NXPH1: variants seen among roughly 807,000 people sequenced by gnomAD.
NXPH1 encodes neurexophilin-1.
Under a neutral mutation model 23.7 loss-of-function variants are expected in NXPH1, and 5 were observed. The observed-to-expected ratio is 0.21, with a 90% CI of 0.11 to 0.44. The LOEUF (loss-of-function observed/expected upper bound fraction) is 0.44, where lower values mean the gene tolerates loss of function less well. NXPH1 is among the 20% of genes least tolerant of loss of function. The probability of loss-of-function intolerance (pLI) is 0.99; values close to 1 mark genes in which losing one functional copy is unlikely to be tolerated. For missense variants in NXPH1, 324 were observed against 321.6 expected (o/e 1.01, Z -0.06); for synonymous variants, 144 against 122.2 (o/e 1.18, Z -1.18).
chr7:8,587,435 C>G (rs1244617372), intron 2 of NXPH1, among the ~76,000 whole-genome samples: 1 of 151,998 alleles, frequency 6.6e-6, no homozygotes, highest in African/African-American at 2.4e-5. Flanking sequence ...CAATCGGCAT[C>G]CAAAATAGCT....
chr7:8,541,842 G>A (rs1358317654), intron 2 of NXPH1, among the ~76,000 whole-genome samples: 1 of 151,498 alleles, frequency 6.6e-6, no homozygotes, highest in Non-Finnish European at 1.5e-5. Context: ...TAACTCTAAA[G>A]CAGTAACTAA....
intron 2 of NXPH1, among the ~76,000 whole-genome samples, chr7:8,642,490 G>T (rs1204574595): frequency 6.6e-6 from 1 of 151,850 alleles, no homozygotes; most frequent in Non-Finnish European, 1.5e-5. Flanking sequence ...TGAGGATGAG[G>T]GTGCTTAAGC....
At chr7:8,444,589 A>C (rs1458330204) in intron 2 of NXPH1, among the ~76,000 whole-genome samples, 1 of 152,176 alleles carries the variant, frequency 6.6e-6, no homozygotes, top group Non-Finnish European at 1.5e-5. Context: ...AGCTGCTGGG[A>C]TGAAACTTGT....
chr7:8,506,064 A>C (rs1401445997), intron 2 of NXPH1, among the ~76,000 whole-genome samples: 1 of 152,094 alleles, frequency 6.6e-6, no homozygotes, highest in African/African-American at 2.4e-5. Context: ...GTACTTTCTG[A>C]GTTGAACTCC....
intron 2 of NXPH1, among the ~76,000 whole-genome samples, chr7:8,691,250 G>A (rs1408872657): frequency 1.3e-5 from 2 of 152,126 alleles, no homozygotes; most frequent in East Asian, 1.9e-4. Context: ...CTGGGTTCAA[G>A]CAATTCTCCT....
At chr7:8,653,533 A>G (rs1243382051) in intron 2 of NXPH1, among the ~76,000 whole-genome samples, 1 of 152,198 alleles carries the variant, frequency 6.6e-6, no homozygotes, top group Non-Finnish European at 1.5e-5. Flanking sequence ...TAATCATCCA[A>G]TCTTTTGGCT....
At chr7:8,664,510 A>G (rs1336474998) in intron 2 of NXPH1, among the ~76,000 whole-genome samples, 1 of 152,116 alleles carries the variant, frequency 6.6e-6, no homozygotes, top group Non-Finnish European at 1.5e-5. Flanking sequence ...ACTTACAAAG[A>G]TATAAAAAAA....
At chr7:8,709,652 T>C (rs1562461367) in intron 2 of NXPH1, among the ~76,000 whole-genome samples, 1 of 152,190 alleles carries the variant, frequency 6.6e-6, no homozygotes. Flanking sequence ...ACCCAAAAGA[T>C]TTCTGACTAA....
chr7:8,721,774 C>G (rs995372356), intron 2 of NXPH1, among the ~76,000 whole-genome samples: 1 of 152,112 alleles, frequency 6.6e-6, no homozygotes, highest in Non-Finnish European at 1.5e-5. Flanking sequence ...GAGACTCTGT[C>G]TCAAAAAAGG....
chr7:8,567,574 A>G (rs1267095127), intron 2 of NXPH1, among the ~76,000 whole-genome samples: 3 of 151,946 alleles, frequency 2.0e-5, no homozygotes, highest in African/African-American at 7.2e-5. Flanking sequence ...TTGCTTTTAA[A>G]CTAAAGAAAA....
At chr7:8,639,278 G>C (rs934442771) in intron 2 of NXPH1, among the ~76,000 whole-genome samples, 1 of 152,114 alleles carries the variant, frequency 6.6e-6, no homozygotes, top group African/African-American at 2.4e-5. Flanking sequence ...AAAATAGTCT[G>C]ATAGCTGCCT....
chr7:8,440,273 T>G (rs1264172882), intron 2 of NXPH1, among the ~76,000 whole-genome samples: 1 of 152,234 alleles, frequency 6.6e-6, no homozygotes, highest in Non-Finnish European at 1.5e-5. Flanking sequence ...CGCCCAAGTG[T>G]GTGGGAAGCA....
At chr7:8,583,276 G>A (rs1818918037) in intron 2 of NXPH1, among the ~76,000 whole-genome samples, 1 of 152,188 alleles carries the variant, frequency 6.6e-6, no homozygotes, top group East Asian at 1.9e-4. Context: ...AGGTAGACAC[G>A]CATTGTAAAG....
chr7:8,710,671 T>TTTTAGGG, intron 2 of NXPH1, among the ~76,000 whole-genome samples: 1 of 107,564 alleles, frequency 9.3e-6, no homozygotes, highest in Non-Finnish European at 1.7e-5. Flanking sequence ...TTTTTTTTTT[T>TTTTAGGG]TTGAGACGGA....
chr7:8,728,293 A>G (rs1447651110), intron 2 of NXPH1, among the ~76,000 whole-genome samples: 1 of 152,160 alleles, frequency 6.6e-6, no homozygotes, highest in Non-Finnish European at 1.5e-5. Context: ...AACAGGGACA[A>G]TTTGACTTCC....
intron 2 of NXPH1, among the ~76,000 whole-genome samples, chr7:8,505,423 T>C (rs1817506739): frequency 6.6e-6 from 1 of 152,048 alleles, no homozygotes; most frequent in South Asian, 2.1e-4. Flanking sequence ...AATATAGTCA[T>C]TTGTGAGCAA....
At chr7:8,576,024 G>A (rs1411037311) in intron 2 of NXPH1, among the ~76,000 whole-genome samples, 2 of 152,104 alleles carry the variant, frequency 1.3e-5, no homozygotes, top group African/African-American at 4.8e-5. Context: ...CTCAATAGGG[G>A]ATGGGTATAC....
intron 2 of NXPH1, among the ~76,000 whole-genome samples, chr7:8,740,560 ATG>A (rs1312110988): frequency 6.6e-6 from 1 of 152,186 alleles, no homozygotes; most frequent in Non-Finnish European, 1.5e-5. Context: ...CTTAGTTCCT[ATG>A]TAATACAGGC....
chr7:8,482,688 C>T (rs1447517947), intron 2 of NXPH1, among the ~76,000 whole-genome samples: 1 of 152,174 alleles, frequency 6.6e-6, no homozygotes, highest in Non-Finnish European at 1.5e-5. Flanking sequence ...TCTGCTAAAT[C>T]CATATTCAAC....
Sources: allele counts gnomAD v4.1 joint callset (sites outside exome capture counted in the v4.1 genomes callset), GRCh38; gene constraint gnomAD v4.1.1; transcripts MANE v1.5; gene names NCBI Gene and HGNC (gene_info 2026-07-23, HGNC 2026-07-21).